The following NTN4 variants were observed in gnomAD, a reference collection of about 807,000 sequenced individuals.
NTN4 encodes netrin-4.
In NTN4, 32 loss-of-function variants were observed where a neutral mutation model predicts 73.6. The observed-to-expected ratio is 0.44, with a 90% CI of 0.33 to 0.58. The LOEUF is 0.58. Among genes scored for constraint, NTN4 ranks in the 20% least tolerant of loss-of-function variants. The pLI is 0.04. For missense variants in NTN4, 654 were observed against 798.3 expected (o/e 0.82, Z 2.18); for synonymous variants, 258 against 287.5 (o/e 0.90, Z 1.04).
chr12:95,673,047 C>T, intron 7 of NTN4: 1 of 1,487,582 alleles, frequency 6.7e-7, no homozygotes, highest in South Asian at 1.1e-5. Flanking sequence ...CTGTGGCTGC[C>T]CAGGGCAAGG....
At chr12:95,720,812 T>C (rs2078642427) in intron 3 of NTN4, among the ~76,000 whole-genome samples, 1 of 152,218 alleles carries the variant, frequency 6.6e-6, no homozygotes, top group South Asian at 2.1e-4. Flanking sequence ...GTGGGTCAGT[T>C]ATGGACCTGA....
chr12:95,751,923 C>G (rs1186746976), intron 2 of NTN4, among the ~76,000 whole-genome samples: 1 of 142,840 alleles, frequency 7.0e-6, no homozygotes, highest in Non-Finnish European at 1.5e-5. Context: ...CCCCACCTGC[C>G]CAGTTCCCTT....
chr12:95,770,045 C>T (rs946112929), intron 2 of NTN4, among the ~76,000 whole-genome samples: 29 of 152,164 alleles, frequency 1.9e-4, no homozygotes, highest in Admixed American at 3.9e-4. Context: ...GTGTGAGTGA[C>T]CACTCCCGGC....
intron 5 of NTN4, among the ~76,000 whole-genome samples, chr12:95,700,743 T>C (rs574599822): frequency 6.6e-6 from 1 of 152,204 alleles, no homozygotes; most frequent in Admixed American, 6.5e-5. Context: ...TACACAATTA[T>C]CTAGGAAGGT....
intron 3 of NTN4, among the ~76,000 whole-genome samples, chr12:95,718,315 C>T (rs1305865038): frequency 2.0e-5 from 3 of 152,246 alleles, no homozygotes; most frequent in Middle Eastern, 3.4e-3. Flanking sequence ...GGGCAGAACG[C>T]TTTCAGTAGT....
At chr12:95,693,802 G>A (rs1227516516) in intron 5 of NTN4, among the ~76,000 whole-genome samples, 2 of 151,334 alleles carry the variant, frequency 1.3e-5, no homozygotes, top group Non-Finnish European at 2.9e-5. Flanking sequence ...ATCAGAGTAT[G>A]TTGAAAAAAA....
intron 2 of NTN4, among the ~76,000 whole-genome samples, chr12:95,747,979 T>C (rs183746681): frequency 6.6e-6 from 1 of 152,036 alleles, no homozygotes; most frequent in East Asian, 1.9e-4. Context: ...CACCTGTAAT[T>C]ACAGCACTTT....
At chr12:95,702,734 A>C (rs927832454) in intron 5 of NTN4, among the ~76,000 whole-genome samples, 2 of 152,096 alleles carry the variant, frequency 1.3e-5, no homozygotes, top group African/African-American at 4.8e-5. Context: ...TCACAGACTT[A>C]ATGTTGGCAC....
chr12:95,744,352 C>CT (rs372714186), intron 2 of NTN4, among the ~76,000 whole-genome samples: 4 of 152,056 alleles, frequency 2.6e-5, no homozygotes, highest in Admixed American at 6.6e-5. Context: ...TAGGGTATAT[C>CT]TTTTTTTATC....
intron 5 of NTN4, among the ~76,000 whole-genome samples, chr12:95,700,484 GATTCTGACCCACAGCCAGGT>G (rs2078476338): frequency 6.6e-6 from 1 of 152,148 alleles, no homozygotes; most frequent in Non-Finnish European, 1.5e-5. Flanking sequence ...GCTCCCTGGT[GATTCTGACCCACAGCCAGGT>G]TTGGGAACCA....
rs571794918 is a variant in NTN4 at position 95,697,956 on chromosome 12, A to G, written c.1180+12485T>C. ...AGGAGAAACCCAGTAAAAAATAGCAATACAACAATACAACTAAACACTACA... is the reference window on the plus strand; with the variant it reads ...AGGAGAAACCCAGTAAAAAATAGCAGTACAACAATACAACTAAACACTACA... On this transcript the variant is annotated intron_variant, in intron 5 of 9. Coordinates refer to ENST00000343702, the MANE Select transcript of NTN4 (RefSeq NM_021229.4). 5.3e-5 allele frequency among the ~76,000 whole-genome samples: 8 copies of G among 152,330 alleles called. No homozygotes were observed. In the East Asian group the frequency reaches 5.8e-4, roughly 11 times the overall value.
chr12:95,763,419 A>G (rs1260138633), intron 2 of NTN4, among the ~76,000 whole-genome samples: 1 of 152,236 alleles, frequency 6.6e-6, no homozygotes, highest in Non-Finnish European at 1.5e-5. Flanking sequence ...GTTAAGCTAG[A>G]GTCTGTTCCC....
chr12:95,738,062 T>C lies in NTN4; in HGVS notation c.668A>G (p.Asn223Ser). The change falls in exon 3 of 10, where the codon AAC becomes AGC. Residue 223 changes from asparagine to serine, a missense_variant. Transcript: ENST00000343702. The stretch of plus-strand genomic sequence containing the variant: ...TCGTTTCAGCAGCTGCACGCGAAGG[T>C]TGGTGATCTTCAGCTGCTCCTGAAC... ...AKVQEQLKIT[N>S]LRVQLLKRQS... 6.2e-7 allele frequency: 1 copy of C among 1,614,134 alleles called. No individual in the cohort carries two copies. Among genetic ancestry groups the C allele is most frequent in the Admixed American group, 1.7e-5 (1 of 60,006 alleles).
At chr12:95,732,086 A>T (rs2078741240) in intron 3 of NTN4, among the ~76,000 whole-genome samples, 1 of 152,182 alleles carries the variant, frequency 6.6e-6, no homozygotes, top group Non-Finnish European at 1.5e-5. Flanking sequence ...TTCCAAACAT[A>T]CATGCATGTT....
At chr12:95,770,749 C>T (rs2079051262) in intron 2 of NTN4, among the ~76,000 whole-genome samples, 1 of 152,166 alleles carries the variant, frequency 6.6e-6, no homozygotes, top group Admixed American at 6.5e-5. Flanking sequence ...AGTGTCAGCA[C>T]AAATGAACAT....
At chr12:95,757,537 T>G (rs1014135048) in intron 2 of NTN4, among the ~76,000 whole-genome samples, 1 of 152,048 alleles carries the variant, frequency 6.6e-6, no homozygotes, top group African/African-American at 2.4e-5. Context: ...AAAGGCAGTT[T>G]GGGGAATAAG....
intron 4 of NTN4, among the ~76,000 whole-genome samples, chr12:95,711,038 A>C (rs933407859): frequency 5.3e-5 from 8 of 152,212 alleles, no homozygotes; most frequent in Non-Finnish European, 1.2e-4. Flanking sequence ...GTTAATGTTT[A>C]GTTTTAGTTT....
intron 3 of NTN4, among the ~76,000 whole-genome samples, chr12:95,722,007 C>CTA (rs1261811700): frequency 1.1e-4 from 17 of 150,202 alleles, no homozygotes; most frequent in Non-Finnish European, 2.4e-4. Context: ...CTGTATACAT[C>CTA]TATATATATA....
At chr12:95,679,098 T>G (rs187291126) in intron 7 of NTN4, among the ~76,000 whole-genome samples, 1 of 152,310 alleles carries the variant, frequency 6.6e-6, no homozygotes, top group Admixed American at 6.5e-5. Flanking sequence ...AAGCTATCAC[T>G]TTTTTCAAAA....
Sources: allele counts gnomAD v4.1 joint callset (sites outside exome capture counted in the v4.1 genomes callset), GRCh38; gene constraint gnomAD v4.1.1; transcripts MANE v1.5; gene names NCBI Gene and HGNC (gene_info 2026-07-23, HGNC 2026-07-21).